MAMLD1: variants seen among roughly 807,000 people sequenced by gnomAD.
The protein encoded by MAMLD1 is mastermind-like domain-containing protein 1.
Under a neutral mutation model 45.0 loss-of-function variants are expected in MAMLD1, and 14 were observed. The ratio of observed to expected loss-of-function variants is 0.31; its 90% CI spans 0.21 to 0.49. The LOEUF (loss-of-function observed/expected upper bound fraction) is 0.49. MAMLD1 is among the 20% of genes least tolerant of loss of function. The pLI is 0.99. For synonymous variants in MAMLD1, 254 were observed against 247.8 expected (o/e 1.02, Z -0.24); for missense variants, 543 against 603.6 (o/e 0.90, Z 1.05).
In MAMLD1 at chrX:150,470,464, A is replaced by G. The variant is rs2036378941; in HGVS notation, c.891A>G (p.Pro297=). 1 of 1,211,720 alleles carries G rather than the reference A, an allele frequency of 8.3e-7. No homozygotes were observed. Residue 297 remains proline, a synonymous_variant, in exon 4 of 8, where the codon CCA becomes CCG. Transcript: ENST00000370401. ...TCCCTGTCGCTCTGCCCCCCTTACC[A>G]GTGCCTCAGTGGCATCACGCCCACC... The part of the protein sequence containing the change: ...AMLPVALPPL[P]VPQWHHAHQL...
intron 5 of MAMLD1, among the ~76,000 whole-genome samples, chrX:150,486,467 G>A (rs1270864463): frequency 8.9e-6 from 1 of 111,941 alleles, no homozygotes; most frequent in Non-Finnish European, 1.9e-5. Context: ...AAGCACAGAG[G>A]TGGTATGGGC....
intron 5 of MAMLD1, among the ~76,000 whole-genome samples, chrX:150,482,020 GAAAGA>G (rs1569564975): frequency 1.3e-4 from 14 of 107,454 alleles, no homozygotes; most frequent in African/African-American, 4.9e-4. Context: ...AAGAAAGAAA[GAAAGA>G]AAGAAAGAAT....
At position 150,470,434 on chromosome X, in the gene MAMLD1, C is replaced by T; in HGVS notation, c.861C>T (p.Ala287=). ...SMAQSKSQVQ[A]MLPVALPPLP... ...CACAGTCCAAGAGCCAGGTCCAGGC[C>T]ATGCTCCCTGTCGCTCTGCCCCCCT... The change falls in exon 4 of 8, where the codon GCC becomes GCT. Residue 287 remains alanine, a synonymous_variant. Coordinates refer to ENST00000370401, the MANE Select transcript of MAMLD1 (RefSeq NM_005491.5). 8.2e-6 allele frequency: 10 copies of T among 1,212,176 alleles called. No individual in the cohort carries two copies. Among genetic ancestry groups the T allele is most frequent in the Non-Finnish European group, 1.1e-5 (10 of 895,644 alleles).
intron 1 of MAMLD1, among the ~76,000 whole-genome samples, chrX:150,395,566 G>A (rs782133999): frequency 3.6e-5 from 4 of 111,247 alleles, no homozygotes; most frequent in South Asian, 3.8e-4. Context: ...CAGGCCTGGC[G>A]CCTTCTGTTT....
At chrX:150,448,846 C>A (rs993307381) in intron 2 of MAMLD1, among the ~76,000 whole-genome samples, 1 of 111,739 alleles carries the variant, frequency 8.9e-6, no homozygotes, top group African/African-American at 3.3e-5. Context: ...AGACTCAGTG[C>A]GCATGTCACA....
intron 5 of MAMLD1, 54 bp from the exon 6 acceptor site, chrX:150,503,220 T>TCAGAA: frequency 1.9e-6 from 2 of 1,080,483 alleles, no homozygotes; most frequent in Middle Eastern, 2.5e-4. Flanking sequence ...ACAAGATCAG[T>TCAGAA]CAGAACCATT....
At chrX:150,411,565 C>T (rs1437521368) in intron 1 of MAMLD1, among the ~76,000 whole-genome samples, 4 of 112,234 alleles carry the variant, frequency 3.6e-5, no homozygotes, top group African/African-American at 1.3e-4. Context: ...GCCTCTTGGC[C>T]TCCAACCACC....
intron 3 of MAMLD1, among the ~76,000 whole-genome samples, chrX:150,468,795 T>A (rs1557406106): frequency 9.0e-6 from 1 of 111,696 alleles, no homozygotes; most frequent in African/African-American, 3.3e-5. Context: ...GGAAAATTTC[T>A]TATTTAGATA....
chrX:150,489,880 T>C (rs1383086725), intron 5 of MAMLD1, among the ~76,000 whole-genome samples: 1 of 110,814 alleles, frequency 9.0e-6, no homozygotes, highest in African/African-American at 3.3e-5. Flanking sequence ...ACAATGCAGG[T>C]GGTCTGTGAC....
intron 1 of MAMLD1, among the ~76,000 whole-genome samples, chrX:150,379,841 A>C (rs965353808): frequency 8.9e-6 from 1 of 111,822 alleles, no homozygotes. Context: ...CCCAGAAATC[A>C]CTCCATATAG....
At chrX:150,379,697 C>A (rs1406522194) in intron 1 of MAMLD1, among the ~76,000 whole-genome samples, 1 of 112,247 alleles carries the variant, frequency 8.9e-6, no homozygotes, top group Non-Finnish European at 1.9e-5. Flanking sequence ...AAGTAACCAA[C>A]TTCATTAGCT....
intron 5 of MAMLD1, among the ~76,000 whole-genome samples, chrX:150,501,287 T>C (rs1468471878): frequency 1.8e-5 from 2 of 112,433 alleles, no homozygotes; most frequent in African/African-American, 6.5e-5. Flanking sequence ...TGAGTAATAT[T>C]TGCATATTGA....
At chrX:150,374,660 T>C (rs782683436) in intron 1 of MAMLD1, among the ~76,000 whole-genome samples, 33 of 111,730 alleles carry the variant, frequency 3.0e-4, no homozygotes, top group Admixed American at 9.5e-5. Context: ...TCAAAGAGCA[T>C]GCAGTGTGTC....
At chrX:150,371,284 T>C (rs2031966848) in intron 1 of MAMLD1, among the ~76,000 whole-genome samples, 1 of 111,159 alleles carries the variant, frequency 9.0e-6, no homozygotes, top group Non-Finnish European at 1.9e-5. Context: ...GGAAAGGCCA[T>C]TTTCTTAAGG....
chrX:150,462,039 G>T (rs1486079735), intron 2 of MAMLD1, among the ~76,000 whole-genome samples: 2 of 112,028 alleles, frequency 1.8e-5, no homozygotes, highest in Non-Finnish European at 3.8e-5. Flanking sequence ...CTGAAAGTGG[G>T]ATCTCAGCCT....
At chrX:150,499,866 C>T (rs889743709) in intron 5 of MAMLD1, among the ~76,000 whole-genome samples, 8 of 111,496 alleles carry the variant, frequency 7.2e-5, no homozygotes, top group African/African-American at 2.6e-4. Flanking sequence ...GTTTTATAAA[C>T]CCACCAGCAT....
chrX:150,464,437 G>A (rs2036154206), intron 3 of MAMLD1, among the ~76,000 whole-genome samples: 1 of 112,096 alleles, frequency 8.9e-6, no homozygotes, highest in Non-Finnish European at 1.9e-5. Flanking sequence ...TGCAATTCTG[G>A]AAATGCTCAA....
intron 1 of MAMLD1, among the ~76,000 whole-genome samples, chrX:150,403,762 G>A (rs1471737503): frequency 2.8e-5 from 3 of 105,377 alleles, no homozygotes; most frequent in Non-Finnish European, 5.8e-5. Context: ...TTGTGATAGT[G>A]CCACTGCACT....
chrX:150,501,871 C>A (rs1557408545), intron 5 of MAMLD1, among the ~76,000 whole-genome samples: 1 of 112,265 alleles, frequency 8.9e-6, no homozygotes, highest in African/African-American at 3.2e-5. Context: ...CACACCAATG[C>A]AAACGACATG....
Sources: gnomAD v4.1 joint callset for allele counts (sites outside exome capture counted in the v4.1 genomes callset) on GRCh38, gnomAD v4.1.1 for gene constraint, MANE v1.5 for transcripts, NCBI Gene and HGNC (gene_info 2026-07-23, HGNC 2026-07-21) for gene names.